GXYLT2: variants seen among roughly 807,000 people sequenced by gnomAD.
GXYLT2 encodes glycosyltransferase 8 domain containing 4.
In GXYLT2, 53 loss-of-function variants were observed where a neutral mutation model predicts 45.8. The ratio of observed to expected loss-of-function variants is 1.16; its 90% CI spans 0.93 to 1.46. GXYLT2 has a LOEUF of 1.46. Ranked by LOEUF, GXYLT2 falls within the 40% of genes most tolerant of loss-of-function variation. The pLI, the probability that GXYLT2 is intolerant of heterozygous loss-of-function variation, is 0.00. For missense variants in GXYLT2, 551 were observed against 544.4 expected, an observed-to-expected ratio of 1.01 and a Z score of -0.12; for synonymous variants, 219 against 214.2, an observed-to-expected ratio of 1.02 and a Z score of -0.19.
intron 2 of GXYLT2, among the ~76,000 whole-genome samples, chr3:72,914,240 T>C (rs1417951151): frequency 6.6e-6 from 1 of 152,216 alleles, no homozygotes; most frequent in Admixed American, 6.5e-5. Flanking sequence ...GTACAGGATG[T>C]CTGGTGGTAT....
intron 6 of GXYLT2, among the ~76,000 whole-genome samples, chr3:72,970,491 TA>T (rs1001521540): frequency 4.0e-5 from 6 of 149,364 alleles, no homozygotes; most frequent in African/African-American, 1.5e-4. Flanking sequence ...AAAAACAAAT[TA>T]AAAAAAAGAA....
intron 3 of GXYLT2, among the ~76,000 whole-genome samples, chr3:72,948,257 C>T (rs775928353): frequency 6.6e-6 from 1 of 152,148 alleles, no homozygotes; most frequent in Non-Finnish European, 1.5e-5. Context: ...ACCAAGTGAC[C>T]TCATCAACAG....
rs1553706008 is a variant in GXYLT2, at chr3:72,914,546, T to TGC, written c.468+5998_468+5999dup. Among the ~76,000 whole-genome samples, 299 of 143,784 alleles carry TGC rather than the reference T, an allele frequency of 2.1e-3. 5 individuals carry two copies. In the East Asian group the frequency reaches 0.05, roughly 24 times the overall value. The allele number at this position is 143,784 out of a possible 152,430, so 94.3% of individuals were successfully genotyped here. A position where few individuals can be genotyped will look rare whatever the true frequency, so the allele number is the denominator to read the frequency against. On this transcript the variant is annotated intron_variant, in intron 2 of 6. Coordinates refer to ENST00000389617, the MANE Select transcript of GXYLT2 (RefSeq NM_001080393.2). ...ATATATATGTGTGTGTGTGTGTGTGTGCGCGCGCGCGCTTGCGTGCGCATG... is the reference window on the plus strand; with the variant it reads ...ATATATATGTGTGTGTGTGTGTGTGTGCGCGCGCGCGCGCTTGCGTGCGCATG...
intron 6 of GXYLT2, among the ~76,000 whole-genome samples, chr3:72,974,012 C>A (rs989707855): frequency 1.3e-5 from 2 of 152,086 alleles, no homozygotes; most frequent in Non-Finnish European, 2.9e-5. Flanking sequence ...TCTAGGAAAC[C>A]AGACACCCAC....
chr3:72,964,654 C>G (rs1373257489), intron 5 of GXYLT2, among the ~76,000 whole-genome samples: 1 of 152,156 alleles, frequency 6.6e-6, no homozygotes, highest in Non-Finnish European at 1.5e-5. Flanking sequence ...CCCTAAACTA[C>G]TTGGAAAGAG....
chr3:72,955,982 G>A (rs974080785), intron 4 of GXYLT2, among the ~76,000 whole-genome samples: 1 of 152,182 alleles, frequency 6.6e-6, no homozygotes, highest in Non-Finnish European at 1.5e-5. Flanking sequence ...GGAGCCTAAG[G>A]CAGGAGAATC....
At chr3:72,904,577 T>C (rs1709468386) in intron 1 of GXYLT2, among the ~76,000 whole-genome samples, 2 of 151,610 alleles carry the variant, frequency 1.3e-5, no homozygotes, top group South Asian at 4.2e-4. Context: ...CCCAAATCAC[T>C]GAAGCCTGCA....
chr3:72,890,496 A>C (rs1709162694), intron 1 of GXYLT2, among the ~76,000 whole-genome samples: 1 of 152,258 alleles, frequency 6.6e-6, no homozygotes, highest in African/African-American at 2.4e-5. Context: ...TCCAAGGTTC[A>C]CAGGTAACCT....
At chr3:72,896,854 T>TAA (rs112290225) in intron 1 of GXYLT2, among the ~76,000 whole-genome samples, 138 of 145,288 alleles carry the variant, frequency 9.5e-4, no homozygotes, top group African/African-American at 3.4e-3. Flanking sequence ...TGTCTCACAT[T>TAA]AAAAAAAAAA....
chr3:72,888,624 G>A (rs2107049901), intron 1 of GXYLT2, 116 bp downstream of exon 1: 1 of 719,694 alleles, frequency 1.4e-6, no homozygotes, highest in Non-Finnish European at 1.7e-6. Flanking sequence ...TTTCACCCAC[G>A]GGCTGCCCAC....
At chr3:72,922,936 G>T (rs9838221) in intron 3 of GXYLT2, among the ~76,000 whole-genome samples, 37,512 of 151,746 alleles carry the variant, frequency 0.25, 8,678 homozygotes, top group African/African-American at 0.62. Context: ...CTGGGCAACA[G>T]GGTGAAATCC....
At chr3:72,895,376 T>G (rs1222977583) in intron 1 of GXYLT2, among the ~76,000 whole-genome samples, 1 of 152,206 alleles carries the variant, frequency 6.6e-6, no homozygotes, top group East Asian at 1.9e-4. Flanking sequence ...GTTCCCCTTT[T>G]TTTCTTAATC....
At chr3:72,919,482 C>T (rs190711937) in intron 2 of GXYLT2, among the ~76,000 whole-genome samples, 3 of 152,140 alleles carry the variant, frequency 2.0e-5, no homozygotes, top group East Asian at 1.9e-4. Context: ...GGGCTGGGCA[C>T]GGTGGCTCAC....
chr3:72,894,069 A>G (rs1270258201), intron 1 of GXYLT2, among the ~76,000 whole-genome samples: 1 of 152,260 alleles, frequency 6.6e-6, no homozygotes. Context: ...ATTATTAAAC[A>G]AAAGACTCCA....
intron 3 of GXYLT2, among the ~76,000 whole-genome samples, chr3:72,943,206 A>G (rs1381528796): frequency 2.0e-5 from 3 of 152,244 alleles, no homozygotes; most frequent in Admixed American, 6.5e-5. Context: ...GGGACCTCAT[A>G]TAATTACAGA....
chr3:72,965,667 A>G (rs142025231), intron 5 of GXYLT2, among the ~76,000 whole-genome samples: 3 of 152,298 alleles, frequency 2.0e-5, no homozygotes, highest in Non-Finnish European at 2.9e-5. Flanking sequence ...CACTATTGCT[A>G]TTGTTGGGGA....
intron 1 of GXYLT2, among the ~76,000 whole-genome samples, chr3:72,893,396 T>A (rs570459709): frequency 3.3e-5 from 5 of 152,338 alleles, no homozygotes; most frequent in African/African-American, 9.6e-5. Context: ...TTCAGGACTA[T>A]GCTCAAATGT....
intron 1 of GXYLT2, among the ~76,000 whole-genome samples, chr3:72,890,466 G>A (rs1018175722): frequency 6.6e-6 from 1 of 152,244 alleles, no homozygotes; most frequent in African/African-American, 2.4e-5. Flanking sequence ...GGAAAGTATT[G>A]CACAAGGGTT....
chr3:72,904,705 G>A (rs1401335790), intron 1 of GXYLT2, among the ~76,000 whole-genome samples: 1 of 149,856 alleles, frequency 6.7e-6, no homozygotes, highest in Admixed American at 6.7e-5. Flanking sequence ...ACAAAATGAA[G>A]TGCCCACCAC....
Sources: allele counts gnomAD v4.1 joint callset (sites outside exome capture counted in the v4.1 genomes callset), GRCh38; gene constraint gnomAD v4.1.1; transcripts MANE v1.5; gene names NCBI Gene and HGNC (gene_info 2026-07-23, HGNC 2026-07-21).